Variants in UAP1 observed in about 807,000 individuals in gnomAD.
UAP1 encodes UDP-N-acetylhexosamine pyrophosphorylase.
Under a neutral mutation model 58.5 loss-of-function variants are expected in UAP1, and 25 were observed. That is an observed-to-expected ratio of 0.43 (90% CI 0.31 to 0.60). The LOEUF (loss-of-function observed/expected upper bound fraction) is 0.60. Among genes scored for constraint, UAP1 ranks in the 20% least tolerant of loss-of-function variants. UAP1 has a pLI of 0.11. For missense variants in UAP1, 575 were observed against 630.0 expected (o/e 0.91, Z 0.93); for synonymous variants, 208 against 213.0 (o/e 0.98, Z 0.21).
At chr1:162,591,630 C>T (rs1408259579) in intron 8 of UAP1, among the ~76,000 whole-genome samples, 4 of 151,886 alleles carry the variant, frequency 2.6e-5, no homozygotes, top group Admixed American at 6.6e-5. Context: ...GGGTTACACT[C>T]GCCTGCCATA....
chr1:162,593,000 A>G, intron 9 of UAP1: 1 of 550,548 alleles, frequency 1.8e-6, no homozygotes, highest in Non-Finnish European at 3.2e-6. Context: ...ATGCTTTACT[A>G]AAGAATCTGA....
At chr1:162,576,918 A>C in exon 3 of UAP1, 1 of 1,614,184 alleles carries the variant, frequency 6.2e-7, no homozygotes, top group Non-Finnish European at 8.5e-7. Context: ...ATTCAAGCAG[A>C]GCGTATCCTG....
intron 8 of UAP1, among the ~76,000 whole-genome samples, chr1:162,590,924 A>T (rs931622272): frequency 6.4e-4 from 81 of 126,710 alleles, no homozygotes; most frequent in Admixed American, 1.3e-3. Context: ...CCTCACCACT[A>T]TTTTTTTTTT....
At chr1:162,562,992 T>G (rs1266207916) in intron 1 of UAP1, among the ~76,000 whole-genome samples, 2 of 152,226 alleles carry the variant, frequency 1.3e-5, no homozygotes, top group Non-Finnish European at 2.9e-5. Context: ...TATTACCAAA[T>G]TTTTCATATA....
intron 10 of UAP1, 52 bp downstream of exon 10, chr1:162,597,910 C>A: frequency 1.4e-6 from 2 of 1,467,924 alleles, no homozygotes; most frequent in Admixed American, 2.0e-5. Flanking sequence ...TTGTATATTT[C>A]AAAATAATGA....
intron 8 of UAP1, among the ~76,000 whole-genome samples, chr1:162,591,692 G>T (rs1438869934): frequency 6.6e-6 from 1 of 152,030 alleles, no homozygotes; most frequent in Non-Finnish European, 1.5e-5. Flanking sequence ...CACCATGTTG[G>T]TCAGGCTAGT....
At chr1:162,590,265 G>A (rs1464639905) in intron 7 of UAP1, 58 bp from the exon 8 acceptor site, 8 of 1,422,860 alleles carry the variant, frequency 5.6e-6, no homozygotes, top group South Asian at 5.6e-5. Context: ...ATGTTAAAGG[G>A]TTAGAAGCTG....
intron 9 of UAP1, chr1:162,593,022 A>G (rs1655413448): frequency 1.9e-6 from 1 of 529,354 alleles, no homozygotes; most frequent in Non-Finnish European, 3.4e-6. Flanking sequence ...CACAGGTGTT[A>G]GAGCTGGAAC....
chr1:162,561,899 A>C (rs963521516), intron 1 of UAP1, 122 bp downstream of exon 1: 3 of 152,430 alleles, frequency 2.0e-5, no homozygotes, highest in African/African-American at 7.2e-5. Context: ...ACGAACGTGC[A>C]CAGCGCGGGC....
intron 5 of UAP1, among the ~76,000 whole-genome samples, chr1:162,583,146 CTTTTTTT>C (rs11376471): frequency 4.4e-5 from 3 of 68,044 alleles, no homozygotes; most frequent in African/African-American, 1.9e-4. Context: ...TGGTGTCACT[CTTTTTTT>C]TTTTTTTTTT....
chr1:162,578,507 T>C (rs540718316), intron 3 of UAP1, among the ~76,000 whole-genome samples: 20 of 152,348 alleles, frequency 1.3e-4, no homozygotes, highest in South Asian at 1.0e-3. Flanking sequence ...GTGGGGAATT[T>C]GGAGGAACAT....
At chr1:162,566,676 G>C (rs574761382) in intron 2 of UAP1, among the ~76,000 whole-genome samples, 1 of 151,838 alleles carries the variant, frequency 6.6e-6, no homozygotes, top group East Asian at 1.9e-4. Flanking sequence ...GCCCAGGCTG[G>C]AGTGCAGTGG....
chr1:162,599,415 A>G, exon 11 of UAP1: 1 of 1,201,988 alleles, frequency 8.3e-7, no homozygotes, highest in Non-Finnish European at 1.2e-6. Flanking sequence ...TATTTTTGAT[A>G]GACCAACTGT....
chr1:162,591,733 G>A lies in UAP1; in HGVS notation c.1359-999G>A, dbSNP rs528829696. On this transcript the variant is annotated intron_variant, in intron 8 of 10. Transcript: ENST00000271469. ...AATCCTGACCTCAGGTGATCCGCCC[G>A]CTTTGGCCTCCCAAAGTGCTGGGAT... 7.9e-5 allele frequency among the ~76,000 whole-genome samples: 12 copies of A among 151,870 alleles called. No individual in the cohort carries two copies. The East Asian group carries it at 2.1e-3, about 27-fold the overall frequency.
At chr1:162,576,879 G>A in exon 3 of UAP1, 1 of 1,614,128 alleles carries the variant, frequency 6.2e-7, no homozygotes, top group Non-Finnish European at 8.5e-7. Context: ...TATGATGTTG[G>A]TTTGCCATCC....
At chr1:162,589,019 T>A (rs1655087490) in intron 7 of UAP1, among the ~76,000 whole-genome samples, 186 bp downstream of exon 7, 1 of 145,406 alleles carries the variant, frequency 6.9e-6, no homozygotes. Flanking sequence ...GTGATCTGAG[T>A]TGCCTATGAG....
exon 11 of UAP1, chr1:162,599,704 A>G: frequency 5.5e-6 from 1 of 181,584 alleles, no homozygotes; most frequent in Non-Finnish European, 1.1e-5. Flanking sequence ...TTGAAGTTGT[A>G]CATAGTAATA....
intron 5 of UAP1, among the ~76,000 whole-genome samples, chr1:162,584,691 C>T (rs1195261721): frequency 1.3e-5 from 2 of 151,996 alleles, no homozygotes; most frequent in Admixed American, 6.6e-5. Context: ...CTACATTGCC[C>T]AGGCTGGTCT....
intron 1 of UAP1, among the ~76,000 whole-genome samples, chr1:162,563,357 C>T (rs1262793694): frequency 6.8e-6 from 1 of 146,936 alleles, no homozygotes; most frequent in Non-Finnish European, 1.5e-5. Flanking sequence ...ATGAGGTACC[C>T]TTTTTTTTTT....
Sources: allele counts gnomAD v4.1 joint callset (sites outside exome capture counted in the v4.1 genomes callset), GRCh38; gene constraint gnomAD v4.1.1; transcripts MANE v1.5; gene names NCBI Gene and HGNC (gene_info 2026-07-23, HGNC 2026-07-21).